SAMD5: variants seen among roughly 807,000 people sequenced by gnomAD.
SAMD5 encodes sterile alpha motif domain containing 5.
Under a neutral mutation model 11.3 loss-of-function variants are expected in SAMD5, and 13 were observed. That is an observed-to-expected ratio of 1.15 (90% CI 0.75 to 1.83). The LOEUF (loss-of-function observed/expected upper bound fraction) is 1.83, where lower values mean the gene tolerates loss of function less well. Ranked by LOEUF, SAMD5 falls within the 40% of genes most tolerant of loss-of-function variation. The probability of loss-of-function intolerance (pLI) is 0.00; values close to 1 mark genes in which losing one functional copy is unlikely to be tolerated. For synonymous variants in SAMD5, 129 were observed against 111.3 expected, an observed-to-expected ratio of 1.16 and a Z score of -1.00; for missense variants, 255 against 239.1, an observed-to-expected ratio of 1.07 and a Z score of -0.44.
chr6:147,672,211 G>A (rs960757360), intron 1 of SAMD5, among the ~76,000 whole-genome samples: 5 of 151,882 alleles, frequency 3.3e-5, no homozygotes, highest in Admixed American at 6.6e-5. Context: ...TTTCCATTAT[G>A]TGTTGTAATT....
chr6:147,579,739 G>C (rs1005060821), intron 1 of SAMD5, among the ~76,000 whole-genome samples: 53 of 152,300 alleles, frequency 3.5e-4, no homozygotes, highest in African/African-American at 1.3e-3. Flanking sequence ...TTACAGGCAT[G>C]AGCCACTGAA....
rs1315783164 is a variant in SAMD5 at position 147,566,637 on chromosome 6, C to CAAG, written c.*2181_*2182insAAG. On this transcript the variant is annotated 3_prime_UTR_variant, in exon 2 of 2. Transcript: ENST00000367474. ...TTCAATTATTTTGCCAGGTTTAAAC[C>CAAG]TTCTCTCTGTGTCTGTGGTTAGAAT... 2 of 979,952 alleles carry CAAG rather than the reference C, an allele frequency of 2.0e-6. No homozygotes were observed. The highest frequency in any genetic ancestry group is 6.1e-5 in the Admixed American group (1 of 16,264). The allele number at this position is 979,952 out of a possible 1,614,324, so 60.7% of individuals were successfully genotyped here. A position where few individuals can be genotyped will look rare whatever the true frequency, so the allele number is the denominator to read the frequency against.
the SAMD5 span, among the ~76,000 whole-genome samples, chr6:147,879,710 A>G: frequency 6.6e-6 from 1 of 152,190 alleles, no homozygotes; most frequent in Non-Finnish European, 1.5e-5. Flanking sequence ...AGCATGTCCT[A>G]AAAGACCATT....
the SAMD5 span, among the ~76,000 whole-genome samples, chr6:147,819,439 A>T: frequency 6.6e-6 from 1 of 152,182 alleles, no homozygotes; most frequent in South Asian, 2.1e-4. Context: ...CCGTGAACCT[A>T]AAATAAAAGT....
chr6:147,617,720 G>C (rs758153037), intron 1 of SAMD5, among the ~76,000 whole-genome samples: 7 of 152,182 alleles, frequency 4.6e-5, no homozygotes, highest in Non-Finnish European at 8.8e-5. Context: ...AATGCGCACA[G>C]GGCTAGGGCT....
chr6:147,906,515 A>G, the SAMD5 span, among the ~76,000 whole-genome samples: 2 of 152,346 alleles, frequency 1.3e-5, no homozygotes, highest in East Asian at 3.9e-4. Context: ...AAAAGAATCC[A>G]TCTGGTGACG....
the SAMD5 span, among the ~76,000 whole-genome samples, chr6:147,934,146 G>A: frequency 6.6e-6 from 1 of 152,194 alleles, no homozygotes; most frequent in Non-Finnish European, 1.5e-5. Context: ...GATGGGGGAG[G>A]AGGAAAGGTA....
chr6:147,550,125 T>C (rs892352753), intron 1 of SAMD5, among the ~76,000 whole-genome samples: 2 of 151,828 alleles, frequency 1.3e-5, no homozygotes, highest in Non-Finnish European at 2.9e-5. Flanking sequence ...CACTTGTAGT[T>C]TGAGCTACTT....
chr6:147,774,918 G>T, the SAMD5 span, among the ~76,000 whole-genome samples: 2 of 152,100 alleles, frequency 1.3e-5, no homozygotes, highest in East Asian at 3.9e-4. Flanking sequence ...ACATGCAAAG[G>T]CATAGAAACA....
downstream of SAMD5, among the ~76,000 whole-genome samples, chr6:147,572,270 T>C (rs1487223754): frequency 6.6e-6 from 1 of 152,194 alleles, no homozygotes; most frequent in East Asian, 1.9e-4. Flanking sequence ...CTTTCTCCCC[T>C]ATACATGGGA....
chr6:147,705,104 AGTAAGAAAACTG>A (rs1261519047), intron 1 of SAMD5, among the ~76,000 whole-genome samples: 7 of 152,260 alleles, frequency 4.6e-5, no homozygotes, highest in Non-Finnish European at 1.0e-4. Context: ...CTTGTAAGAC[AGTAAGAAAACTG>A]GAGAAGGAAT....
chr6:147,893,389 C>T, the SAMD5 span, among the ~76,000 whole-genome samples: 5 of 152,030 alleles, frequency 3.3e-5, no homozygotes, highest in Admixed American at 6.5e-5. Context: ...ATCTGACTCC[C>T]GAGCTCATGG....
chr6:147,683,332 T>G (rs1207967628), intron 1 of SAMD5, among the ~76,000 whole-genome samples: 1 of 152,234 alleles, frequency 6.6e-6, no homozygotes, highest in Non-Finnish European at 1.5e-5. Context: ...ATTTTTAAAC[T>G]TTTTGGTCTC....
At chr6:147,783,732 A>C in the SAMD5 span, among the ~76,000 whole-genome samples, 1 of 151,916 alleles carries the variant, frequency 6.6e-6, no homozygotes, top group African/African-American at 2.4e-5. Context: ...TCTCCTCTTC[A>C]CTTTCTGGTT....
the SAMD5 span, among the ~76,000 whole-genome samples, chr6:147,943,327 A>C: frequency 3.3e-5 from 5 of 152,066 alleles, no homozygotes; most frequent in African/African-American, 4.8e-5. Flanking sequence ...CCTGCTCATT[A>C]CAAGGAAAAT....
chr6:147,686,614 A>G (rs767872465), intron 1 of SAMD5, among the ~76,000 whole-genome samples: 1 of 152,048 alleles, frequency 6.6e-6, no homozygotes, highest in Admixed American at 6.6e-5. Flanking sequence ...TGGTTCCTTT[A>G]TACTGTTTAT....
intron 1 of SAMD5, among the ~76,000 whole-genome samples, chr6:147,703,049 C>A (rs1253714466): frequency 6.6e-6 from 1 of 152,030 alleles, no homozygotes; most frequent in Non-Finnish European, 1.5e-5. Context: ...TCTGTTCATT[C>A]CCTTATACTT....
At chr6:147,799,403 C>T in the SAMD5 span, among the ~76,000 whole-genome samples, 50 of 152,038 alleles carry the variant, frequency 3.3e-4, 1 homozygote, top group Non-Finnish European at 4.9e-4. Context: ...GGCCCCCACT[C>T]GCTTCTGGCT....
chr6:147,541,914 C>T (rs1347751715), intron 1 of SAMD5, among the ~76,000 whole-genome samples: 2 of 152,040 alleles, frequency 1.3e-5, no homozygotes, highest in African/African-American at 4.8e-5. Flanking sequence ...GGGCTATAGA[C>T]AGACACCCCA....
Sources: allele counts gnomAD v4.1 joint callset (sites outside exome capture counted in the v4.1 genomes callset), GRCh38; gene constraint gnomAD v4.1.1; transcripts MANE v1.5; gene names NCBI Gene and HGNC (gene_info 2026-07-23, HGNC 2026-07-21).